The following ZNF585B variants were observed in gnomAD, a reference collection of about 807,000 sequenced individuals.
The protein encoded by ZNF585B is zinc finger protein 41-like protein.
A neutral mutation model predicts 14.0 loss-of-function variants in ZNF585B; 7 were observed. The observed-to-expected ratio is 0.50, with a 90% CI of 0.28 to 0.94. ZNF585B has a LOEUF of 0.94. Ranked by LOEUF, ZNF585B falls within the 40% of genes least tolerant of loss-of-function variation. The pLI is 0.09. For missense variants in ZNF585B, 750 were observed against 924.4 expected (o/e 0.81, Z 2.45); for synonymous variants, 290 against 317.3 (o/e 0.91, Z 0.91).
At chr19:37,195,439 G>GA (rs11433931) in intron 2 of ZNF585B, among the ~76,000 whole-genome samples, 6,320 of 145,158 alleles carry the variant, frequency 0.044, 331 homozygotes, top group African/African-American at 0.13. Context: ...TTGTTGGGGA[G>GA]AAAAAATCAA....
chr19:37,199,812 G>A (rs566243535), intron 2 of ZNF585B, among the ~76,000 whole-genome samples: 18 of 152,118 alleles, frequency 1.2e-4, no homozygotes, highest in Non-Finnish European at 8.8e-5. Flanking sequence ...TTGGGAGGCC[G>A]AGGTGGGTGG....
At chr19:37,190,192 G>T in intron 2 of ZNF585B, 42 bp from the exon 3 acceptor site, 1 of 1,612,438 alleles carries the variant, frequency 6.2e-7, no homozygotes, top group Non-Finnish European at 8.5e-7. Flanking sequence ...AGTCAGCTTT[G>T]CACGGTGGAG....
At position 37,199,636 on chromosome 19, in the gene ZNF585B, T is replaced by C. The variant is rs571932569; in HGVS notation, c.72+7404A>G. The C allele has an allele frequency of 2.4e-4, 67 of 277,798 alleles. No homozygotes were observed. In the East Asian group the frequency reaches 5.0e-3, roughly 21 times the overall value. 17.2% of individuals were successfully genotyped at this position (277,798 alleles called of 1,614,324 possible). A position where few individuals can be genotyped will look rare whatever the true frequency, so the allele number is the denominator to read the frequency against. On this transcript the variant is annotated intron_variant, in intron 2 of 4. Transcript: ENST00000532828. ...ATGAGCAAAAAGGATAAAACAAAAA[T>C]AGAGAGGAGATTAAAAGGAATACAC...
intron 4 of ZNF585B, chr19:37,189,446 G>A: frequency 1.8e-6 from 1 of 553,498 alleles, no homozygotes; most frequent in South Asian, 2.2e-5. Flanking sequence ...TATCTTTAAT[G>A]AGGCTGACTG....
intron 2 of ZNF585B, among the ~76,000 whole-genome samples, chr19:37,198,298 A>G (rs912682456): frequency 6.6e-6 from 1 of 151,936 alleles, no homozygotes; most frequent in Non-Finnish European, 1.5e-5. Context: ...CAGCCTCCCC[A>G]GTAGCTGGGA....
At chr19:37,191,954 T>C (rs1972406312) in intron 2 of ZNF585B, among the ~76,000 whole-genome samples, 2 of 152,156 alleles carry the variant, frequency 1.3e-5, no homozygotes, top group Non-Finnish European at 2.9e-5. Context: ...CGCTTGAACC[T>C]GGGAGGCGGA....
At chr19:37,194,895 C>CA (rs1170021187) in intron 2 of ZNF585B, among the ~76,000 whole-genome samples, 3 of 151,606 alleles carry the variant, frequency 2.0e-5, no homozygotes, top group Non-Finnish European at 4.4e-5. Flanking sequence ...GGAAATCAAA[C>CA]AAAAAATCAA....
intron 2 of ZNF585B, 34 bp from the exon 3 acceptor site, chr19:37,190,184 T>C (rs1396548786): frequency 1.2e-6 from 2 of 1,613,630 alleles, no homozygotes; most frequent in African/African-American, 1.3e-5. Flanking sequence ...ATGTGCATAG[T>C]CAGCTTTGCA....
chr19:37,185,201 A>C lies in ZNF585B; in HGVS notation c.*26T>G, dbSNP rs374990717. The C allele has an allele frequency of 1.4e-3, 2,174 of 1,580,258 alleles. 33 individuals are homozygous for C. The African/African-American group carries it at 0.026, about 19-fold the overall frequency. ...CAGTGTACAATCAGACCCAACCCTC[A>C]GGGGGGTTTTCTCACACTGTTTCTC... On this transcript the variant is annotated 3_prime_UTR_variant, in exon 5 of 5. Coordinates refer to ENST00000532828, the MANE Select transcript of ZNF585B (RefSeq NM_152279.4).
Position 37,186,699 on chromosome 19 carries a change from T to A in ZNF585B, c.838A>T (p.Ile280Phe), listed in dbSNP as rs1185361066. 1.2e-6 allele frequency: 2 copies of A among 1,614,110 alleles called. No homozygotes were observed. Among genetic ancestry groups the A allele is most frequent in the African/African-American group, 2.7e-5 (2 of 74,946 alleles). ...YICIECGQAF[I>F]QKTQLIAHRR... ...TGTGCAATCAATTGTGTTTTCTGGA[T>A]GAAGGCCTGCCCGCATTCAATACAG... is the stretch of plus-strand genomic sequence containing the variant. The change falls in exon 5 of 5, where the codon ATC (isoleucine) becomes TTC (phenylalanine). Residue 280 changes from isoleucine to phenylalanine, a missense_variant. Ile to Phe is a conservative substitution (Grantham distance 21, BLOSUM62 0). Coordinates refer to ENST00000532828, the MANE Select transcript of ZNF585B (RefSeq NM_152279.4).
At chr19:37,206,219 A>C (rs2145446961) in intron 2 of ZNF585B, among the ~76,000 whole-genome samples, 1 of 152,270 alleles carries the variant, frequency 6.6e-6, no homozygotes, top group Non-Finnish European at 1.5e-5. Flanking sequence ...TGGGAGGCTG[A>C]GGTGGGCAGA....
chr19:37,188,515 A>G (rs534904452), intron 4 of ZNF585B, among the ~76,000 whole-genome samples: 1 of 149,414 alleles, frequency 6.7e-6, no homozygotes, highest in African/African-American at 2.5e-5. Flanking sequence ...ATAAAAATAC[A>G]AAAATTAGCC....
intron 2 of ZNF585B, among the ~76,000 whole-genome samples, chr19:37,194,576 G>T (rs1040765700): frequency 6.6e-6 from 1 of 152,254 alleles, no homozygotes; most frequent in Admixed American, 6.5e-5. Context: ...TCACGCCATT[G>T]CACTCCAGCC....
chr19:37,195,374 A>T (rs1427806095), intron 2 of ZNF585B, among the ~76,000 whole-genome samples: 1 of 140,888 alleles, frequency 7.1e-6, no homozygotes, highest in Non-Finnish European at 1.5e-5. Context: ...AAAAAAAAAA[A>T]TTCAGGAAAA....
intron 1 of ZNF585B, 29 bp from the exon 2 acceptor site, chr19:37,207,283 C>A: frequency 7.1e-7 from 1 of 1,415,878 alleles, no homozygotes; most frequent in Non-Finnish European, 9.3e-7. Context: ...CGTAGTCATT[C>A]AACATTCACT....
intron 2 of ZNF585B, among the ~76,000 whole-genome samples, chr19:37,197,259 C>T (rs954801699): frequency 4.0e-5 from 6 of 151,896 alleles, no homozygotes; most frequent in Middle Eastern, 6.8e-3. Flanking sequence ...TGATAGTTTG[C>T]TCAGAATGAT....
In ZNF585B at chr19:37,184,793, T is replaced by C. The variant is rs887130162; in HGVS notation, c.*434A>G. On this transcript the variant is annotated 3_prime_UTR_variant, in exon 5 of 5. Transcript: ENST00000532828. ...ACCCACAATTCTACTAGACAGTGTG[T>C]TCTGGAACAAACAACTCACAGAAGG... 3 of 404,000 alleles carry C rather than the reference T, an allele frequency of 7.4e-6. No individual in the cohort carries two copies. The allele number at this position is 404,000 out of a possible 1,614,324, so 25.0% of individuals were successfully genotyped here.
Position 37,186,870 on chromosome 19 carries a change from A to T in ZNF585B, c.667T>A (p.Phe223Ile). Residue 223 changes from phenylalanine to isoleucine, a missense_variant, in exon 5 of 5, where the codon TTC (phenylalanine) becomes ATC (isoleucine). Phe to Ile is a conservative substitution (Grantham distance 21). Transcript: ENST00000532828. Reference sequence around the variant, plus strand: ...ATACTGAGATCTGAGTTATAAGGGAAACCTTTCCCACATTCACTACATTCA... The same window carrying T: ...ATACTGAGATCTGAGTTATAAGGGATACCTTTCCCACATTCACTACATTCA... ...LYECSECGKG[F>I]PYNSDLSIHE... 6.2e-7 allele frequency: 1 copy of T among 1,613,864 alleles called. No individual in the cohort carries two copies. Among genetic ancestry groups the T allele is most frequent in the Non-Finnish European group, 8.5e-7 (1 of 1,179,846 alleles).
chr19:37,187,622 G>T (rs1449045776), intron 4 of ZNF585B, among the ~76,000 whole-genome samples: 2 of 152,020 alleles, frequency 1.3e-5, no homozygotes, highest in Non-Finnish European at 2.9e-5. Flanking sequence ...ATTGTGGAAA[G>T]AAGTCTTTTT....
Sources: gnomAD v4.1 joint callset for allele counts (sites outside exome capture counted in the v4.1 genomes callset) on GRCh38, gnomAD v4.1.1 for gene constraint, MANE v1.5 for transcripts, NCBI Gene and HGNC (gene_info 2026-07-23, HGNC 2026-07-21) for gene names.